The following ARHGAP6 variants were observed in gnomAD, a reference collection of about 807,000 sequenced individuals.
ARHGAP6 encodes rho GTPase-activating protein 6.
In ARHGAP6, 16 loss-of-function variants were observed where a neutral mutation model predicts 55.7. The observed-to-expected ratio is 0.29, with a 90% CI of 0.19 to 0.44. The LOEUF is 0.44. Ranked by LOEUF, ARHGAP6 falls within the 20% of genes least tolerant of loss-of-function variation. ARHGAP6 has a pLI of 1.00. For missense variants in ARHGAP6, 698 were observed against 808.9 expected (o/e 0.86, Z 1.66); for synonymous variants, 382 against 360.9 (o/e 1.06, Z -0.66).
At chrX:11,495,569 G>C (rs768030922) in intron 1 of ARHGAP6, among the ~76,000 whole-genome samples, 1 of 111,496 alleles carries the variant, frequency 9.0e-6, no homozygotes, top group Admixed American at 9.5e-5. Context: ...ACTGTATCTG[G>C]GTAAATGTAG....
chrX:11,341,851 CA>C (rs1480810183), intron 1 of ARHGAP6, among the ~76,000 whole-genome samples: 2 of 111,659 alleles, frequency 1.8e-5, no homozygotes, highest in South Asian at 3.8e-4. Context: ...CCCATCCTAT[CA>C]GGGGGAAAGA....
intron 1 of ARHGAP6, among the ~76,000 whole-genome samples, chrX:11,347,967 T>C (rs1436111351): frequency 1.8e-5 from 2 of 111,912 alleles, no homozygotes; most frequent in African/African-American, 3.2e-5. Context: ...GAAAAAATGG[T>C]CACTATTTAT....
intron 1 of ARHGAP6, among the ~76,000 whole-genome samples, chrX:11,470,666 C>T (rs1306256439): frequency 8.9e-6 from 1 of 112,287 alleles, no homozygotes; most frequent in East Asian, 2.8e-4. Context: ...GTAGATTTAG[C>T]TTGGTCGTGC....
intron 1 of ARHGAP6, among the ~76,000 whole-genome samples, chrX:11,299,305 G>A (rs1383541144): frequency 8.9e-6 from 1 of 111,933 alleles, no homozygotes; most frequent in Non-Finnish European, 1.9e-5. Context: ...GGGAATATCA[G>A]TTCTCCTTAT....
chrX:11,344,545 G>A (rs111705665), intron 1 of ARHGAP6, among the ~76,000 whole-genome samples: 6,138 of 107,690 alleles, frequency 0.057, 207 homozygotes, highest in African/African-American at 0.12. Flanking sequence ...CATGGTGGTG[G>A]CAGGTGCCTG....
At chrX:11,458,197 G>C (rs1429175404) in intron 1 of ARHGAP6, among the ~76,000 whole-genome samples, 1 of 112,444 alleles carries the variant, frequency 8.9e-6, no homozygotes, top group Admixed American at 9.4e-5. Flanking sequence ...ATTAAAGCAA[G>C]ATAATCCTAA....
At chrX:11,655,698 T>C (rs901036389) in intron 1 of ARHGAP6, among the ~76,000 whole-genome samples, 2 of 111,860 alleles carry the variant, frequency 1.8e-5, no homozygotes, top group Non-Finnish European at 3.8e-5. Context: ...ATTCCAAGGG[T>C]TTTTCTGCCA....
At chrX:11,405,533 A>C (rs2147757741) in intron 1 of ARHGAP6, among the ~76,000 whole-genome samples, 1 of 112,115 alleles carries the variant, frequency 8.9e-6, no homozygotes, top group East Asian at 2.8e-4. Flanking sequence ...CTGTATGATT[A>C]TTACATATCC....
chrX:11,235,462 T>C (rs1428587045), intron 2 of ARHGAP6, among the ~76,000 whole-genome samples: 1 of 111,083 alleles, frequency 9.0e-6, no homozygotes, highest in Non-Finnish European at 1.9e-5. Flanking sequence ...TGACATGCCC[T>C]GGAGACATTT....
intron 1 of ARHGAP6, among the ~76,000 whole-genome samples, chrX:11,654,712 T>C (rs2052619437): frequency 9.0e-6 from 1 of 111,665 alleles, no homozygotes; most frequent in African/African-American, 3.3e-5. Flanking sequence ...GAAAATCCCA[T>C]GGCTGGCTGC....
At chrX:11,622,215 A>C (rs2052238158) in intron 1 of ARHGAP6, among the ~76,000 whole-genome samples, 1 of 112,030 alleles carries the variant, frequency 8.9e-6, no homozygotes, top group Admixed American at 9.4e-5. Context: ...CATCAATGAA[A>C]AACAAGTGAC....
chrX:11,361,426 G>T (rs1182358607), intron 1 of ARHGAP6, among the ~76,000 whole-genome samples: 2 of 111,375 alleles, frequency 1.8e-5, no homozygotes, highest in African/African-American at 6.5e-5. Flanking sequence ...TTTAATAAAT[G>T]GTGCTGGGAA....
chrX:11,522,149 G>A (rs188746271), intron 1 of ARHGAP6, among the ~76,000 whole-genome samples: 5 of 111,532 alleles, frequency 4.5e-5, no homozygotes, highest in Admixed American at 2.9e-4. Context: ...GGTACATAAC[G>A]AAATGAAGGC....
chrX:11,328,802 G>A lies in ARHGAP6; in HGVS notation c.589-74095C>T, dbSNP rs1025073893. On this transcript the variant is annotated intron_variant, in intron 1 of 12. Transcript: ENST00000337414. ...TATTTCTGAGTGTGGAGATATCTTC[G>A]TCTCCCAAAGTTGCTAAAGGGCACC... Among the ~76,000 whole-genome samples the A allele has an allele frequency of 9.0e-5, 10 of 111,550 alleles. No homozygotes were observed. In the East Asian group the frequency reaches 1.7e-3, roughly 19 times the overall value.
At chrX:11,262,614 G>A (rs769965450) in intron 1 of ARHGAP6, among the ~76,000 whole-genome samples, 1 of 111,543 alleles carries the variant, frequency 9.0e-6, no homozygotes, top group Admixed American at 9.6e-5. Flanking sequence ...CCAAGGCATC[G>A]GAATCACGTG....
At chrX:11,613,908 C>G (rs768872058) in intron 1 of ARHGAP6, among the ~76,000 whole-genome samples, 1 of 112,167 alleles carries the variant, frequency 8.9e-6, no homozygotes, top group Middle Eastern at 4.6e-3. Context: ...TTGTACTTTA[C>G]TTTTAGCTGG....
rs1472987987 is a variant in ARHGAP6, at chrX:11,351,446, C to T, written c.589-96739G>A. 5.2e-6 allele frequency: 5 copies of T among 963,194 alleles called. No individual in the cohort carries two copies. In the African/African-American group the frequency reaches 1.0e-4, roughly 19 times the overall value. The allele number at this position is 963,194 out of a possible 1,213,427, so 79.4% of individuals were successfully genotyped here. ...AGCCAGGCCAGGAACAGGGCAGGCT[C>T]TCCCCAGACTTGAAGGCTAGAGAAG... is the stretch of plus-strand genomic sequence containing the variant. On this transcript the variant is annotated intron_variant, in intron 1 of 12. Coordinates refer to ENST00000337414, the MANE Select transcript of ARHGAP6 (RefSeq NM_013427.3).
At chrX:11,444,802 A>G (rs1391272820) in intron 1 of ARHGAP6, among the ~76,000 whole-genome samples, 1 of 112,223 alleles carries the variant, frequency 8.9e-6, no homozygotes, top group Non-Finnish European at 1.9e-5. Flanking sequence ...GAACCACACA[A>G]TGCAAATGTC....
intron 1 of ARHGAP6, among the ~76,000 whole-genome samples, chrX:11,604,310 A>C (rs2052009651): frequency 9.0e-6 from 1 of 111,689 alleles, no homozygotes; most frequent in African/African-American, 3.3e-5. Flanking sequence ...ATTATAACCC[A>C]AAAAGGGCCC....
Sources: gnomAD v4.1 joint callset for allele counts (sites outside exome capture counted in the v4.1 genomes callset) on GRCh38, gnomAD v4.1.1 for gene constraint, MANE v1.5 for transcripts, NCBI Gene and HGNC (gene_info 2026-07-23, HGNC 2026-07-21) for gene names.